Variants in ANKRD28 observed in about 807,000 individuals in gnomAD.
The protein encoded by ANKRD28 is ankyrin repeat domain 28, also known as serine/threonine-protein phosphatase 6 regulatory ankyrin repeat subunit A.
In ANKRD28, 44 loss-of-function variants were observed where a neutral mutation model predicts 126.5. The ratio of observed to expected loss-of-function variants is 0.35; its 90% CI spans 0.27 to 0.45. The LOEUF (loss-of-function observed/expected upper bound fraction) is 0.45. ANKRD28 is among the 20% of genes least tolerant of loss of function. The pLI, the probability that ANKRD28 is intolerant of heterozygous loss-of-function variation, is 1.00. For synonymous variants in ANKRD28, 442 were observed against 468.5 expected, an observed-to-expected ratio of 0.94 and a Z score of 0.73; for missense variants, 1,110 against 1,316.6, an observed-to-expected ratio of 0.84 and a Z score of 2.43.
intron 1 of ANKRD28, among the ~76,000 whole-genome samples, chr3:15,831,490 A>G (rs1273311201): frequency 6.6e-6 from 1 of 152,148 alleles, no homozygotes; most frequent in Non-Finnish European, 1.5e-5. Flanking sequence ...CCTCTGTCCA[A>G]TAGGTGCCAA....
At chr3:15,857,387 C>T (rs958670012) in intron 1 of ANKRD28, among the ~76,000 whole-genome samples, 2 of 152,162 alleles carry the variant, frequency 1.3e-5, no homozygotes, top group African/African-American at 2.4e-5. Context: ...CGGGTTCAAT[C>T]GATTCTCCTG....
upstream of ANKRD28, among the ~76,000 whole-genome samples, chr3:15,799,410 A>G (rs886152490): frequency 4.6e-5 from 7 of 152,044 alleles, no homozygotes; most frequent in African/African-American, 1.7e-4. Context: ...GTATCAATCT[A>G]TGGAAGAAGC....
Position 15,797,209 on chromosome 3 carries a change from CAAAAA to C in ANKRD28, c.-693_-689del. On this transcript the variant is annotated 5_prime_UTR_variant, in exon 1 of 28. It removes the in-frame stop codon of an upstream open reading frame in the 5' UTR. Coordinates refer to ENST00000683139, the MANE Select transcript of ANKRD28 (RefSeq NM_001349278.2). ...TTGGGAAAGGGGCAAAAAACAAAAA[CAAAAA>C]AAAAAAAACCACTCTGCATTAATAG... 2.2e-6 allele frequency: 2 copies of C among 900,418 alleles called. No individual in the cohort carries two copies. The highest frequency in any genetic ancestry group is 2.6e-6 in the Non-Finnish European group (2 of 762,106). 55.8% of individuals were successfully genotyped at this position (900,418 alleles called of 1,614,324 possible). A position where few individuals can be genotyped will look rare whatever the true frequency, so the allele number is the denominator to read the frequency against.
At chr3:15,673,024 C>A (rs2066540704) in intron 27 of ANKRD28, among the ~76,000 whole-genome samples, 1 of 52 alleles carries the variant, frequency 0.019, no homozygotes, top group Non-Finnish European at 0.036. Flanking sequence ...GATCCACTCG[C>A]CTTGTGCCTC....
chr3:15,671,251 A>G (rs564510896), intron 27 of ANKRD28, among the ~76,000 whole-genome samples: 3 of 152,224 alleles, frequency 2.0e-5, no homozygotes, highest in South Asian at 2.1e-4. Context: ...AAGTTACCAC[A>G]AAGTGTCAAC....
chr3:15,852,555 C>T (rs369719278), intron 1 of ANKRD28, among the ~76,000 whole-genome samples: 17 of 152,040 alleles, frequency 1.1e-4, no homozygotes, highest in African/African-American at 3.9e-4. Context: ...CAACTTACGC[C>T]GGGCATGGTG....
intron 14 of ANKRD28, among the ~76,000 whole-genome samples, chr3:15,699,517 A>C (rs1468612213): frequency 2.0e-5 from 3 of 152,174 alleles, no homozygotes; most frequent in Non-Finnish European, 4.4e-5. Flanking sequence ...AATATCCAGA[A>C]TCTACAAAGA....
rs1258887768 is a variant in ANKRD28, at chr3:15,833,429, G to A, written c.27+25948C>T. On this transcript the variant is annotated intron_variant, in intron 1 of 27. Transcript: ENST00000399451. The surrounding 1 kb of genome is among the most constrained non-coding windows in gnomAD (Gnocchi z 4.4). ...CTCCTCAGCTGGCAGATGCCCTACT[G>A]TGGGACCTTGTGATCATGTGAGTTA... is the stretch of plus-strand genomic sequence containing the variant. Among the ~76,000 whole-genome samples, 1 of 151,538 alleles carries A rather than the reference G, an allele frequency of 6.6e-6. No individual in the cohort carries two copies. The highest frequency in any genetic ancestry group is 2.4e-5 in the African/African-American group (1 of 41,290).
rs545668513 is a variant in ANKRD28, at chr3:15,845,992, T to G, written c.27+13385A>C. Among the ~76,000 whole-genome samples, 3 of 152,122 alleles carry G rather than the reference T, an allele frequency of 2.0e-5. No homozygotes were observed. The East Asian group carries it at 5.8e-4, about 29-fold the overall frequency. On this transcript the variant is annotated intron_variant, in intron 1 of 27. Transcript: ENST00000399451. This position sits in a 1 kb window ranked among gnomAD's most constrained non-coding sequence, Gnocchi z 4.9. ...TGGAGATTACAATTTGAGAAGAAAT[T>G]TGGGTGGGGACACAGAGCCAAACCA...
chr3:15,837,115 A>AC (rs2061343722), intron 1 of ANKRD28, among the ~76,000 whole-genome samples: 3 of 151,258 alleles, frequency 2.0e-5, no homozygotes, highest in Admixed American at 1.3e-4. Context: ...AAAAAAAAAA[A>AC]CCATAAAAAC....
intron 1 of ANKRD28, among the ~76,000 whole-genome samples, chr3:15,806,192 T>G (rs1170957819): frequency 6.6e-6 from 1 of 152,212 alleles, no homozygotes; most frequent in Non-Finnish European, 1.5e-5. Flanking sequence ...GATAAACTTT[T>G]AAAAAGCCAT....
intron 4 of ANKRD28, among the ~76,000 whole-genome samples, chr3:15,749,136 C>T (rs1439744406): frequency 7.8e-6 from 1 of 127,484 alleles, no homozygotes; most frequent in Non-Finnish European, 1.6e-5. Flanking sequence ...CGGAGTCTCG[C>T]TCTGTCGCCC....
At position 15,846,161 on chromosome 3, in the gene ANKRD28, G is replaced by A. The variant is rs35226891; in HGVS notation, c.27+13216C>T. On this transcript the variant is annotated intron_variant, in intron 1 of 27. Coordinates refer to the ANKRD28 transcript ENST00000399451. The surrounding 1 kb of genome is among the most constrained non-coding windows in gnomAD (Gnocchi z 5.4). ...AAGCCCAAAGTCTCATCTGAGACAA[G>A]GCAAGTCTCTTCCATCTACGAGTCT... Among the ~76,000 whole-genome samples, 101,565 of 151,600 alleles carry A rather than the reference G, an allele frequency of 0.67. 34,514 individuals carry two copies. Among genetic ancestry groups the A allele is most frequent in the East Asian group, 0.91 (4,696 of 5,164 alleles).
At chr3:15,776,009 G>T (rs1358215698) in intron 2 of ANKRD28, among the ~76,000 whole-genome samples, 1 of 152,014 alleles carries the variant, frequency 6.6e-6, no homozygotes, top group Non-Finnish European at 1.5e-5. Context: ...CTATCTGAGG[G>T]GCCTCAAATA....
At chr3:15,792,737 A>C (rs1352410640) in intron 2 of ANKRD28, among the ~76,000 whole-genome samples, 1 of 152,180 alleles carries the variant, frequency 6.6e-6, no homozygotes, top group Non-Finnish European at 1.5e-5. Flanking sequence ...TCAAAGGATA[A>C]ATGCTTGAGG....
chr3:15,813,077 T>G (rs1575754872), intron 1 of ANKRD28, among the ~76,000 whole-genome samples: 1 of 148,274 alleles, frequency 6.7e-6, no homozygotes, highest in Non-Finnish European at 1.5e-5. Flanking sequence ...GAGAAAAAAT[T>G]AAAAAGTTTA....
rs75477137 is a variant in ANKRD28, at chr3:15,697,011, G to A, written c.1548-766C>T. On this transcript the variant is annotated intron_variant, in intron 14 of 27. Transcript: ENST00000683139. ...ATGCATGTTTATAGCAGTACAATTC[G>A]CAATTGCAAAAATATGAAACAAGTC... Among the ~76,000 whole-genome samples, 796 of 152,190 alleles carry A rather than the reference G, an allele frequency of 5.2e-3. 61 individuals carry two copies. In the East Asian group the frequency reaches 0.14, roughly 26 times the overall value.
intron 27 of ANKRD28, among the ~76,000 whole-genome samples, chr3:15,672,190 G>A (rs1167526387): frequency 6.7e-6 from 1 of 149,460 alleles, no homozygotes. Flanking sequence ...CTGTCACCCA[G>A]GCTGGAGTGC....
At chr3:15,758,058 T>C (rs1395735700) in intron 3 of ANKRD28, among the ~76,000 whole-genome samples, 1 of 152,214 alleles carries the variant, frequency 6.6e-6, no homozygotes, top group Non-Finnish European at 1.5e-5. Context: ...GCTAAGAACT[T>C]GATAGTAGGT....
Sources: allele counts gnomAD v4.1 joint callset (sites outside exome capture counted in the v4.1 genomes callset), GRCh38; gene constraint gnomAD v4.1.1; non-coding constraint Gnocchi (gnomAD v3.1); transcripts MANE v1.5; gene names NCBI Gene and HGNC (gene_info 2026-07-23, HGNC 2026-07-21).